Variants in ERC1 observed in about 807,000 individuals in gnomAD.
The protein encoded by ERC1 is ELKS/RAB6-interacting/CAST family member 1, also known as RAB6 interacting protein 2.
Under a neutral mutation model 132.0 loss-of-function variants are expected in ERC1, and 56 were observed. That is an observed-to-expected ratio of 0.42 (90% CI 0.34 to 0.53). The LOEUF is 0.53. Among genes scored for constraint, ERC1 ranks in the 20% least tolerant of loss-of-function variants. ERC1 has a pLI of 0.03. For missense variants in ERC1, 1,202 were observed against 1,349.9 expected (o/e 0.89, Z 1.72); for synonymous variants, 478 against 476.1 (o/e 1.00, Z -0.05).
chr12:1,128,916 T>G (rs1024413124), intron 7 of ERC1, among the ~76,000 whole-genome samples: 1 of 152,182 alleles, frequency 6.6e-6, no homozygotes, highest in African/African-American at 2.4e-5. Context: ...AACATAGATC[T>G]GATGAGCTAT....
chr12:1,146,955 A>T (rs1429346251), intron 8 of ERC1, among the ~76,000 whole-genome samples: 2 of 152,196 alleles, frequency 1.3e-5, no homozygotes, highest in Non-Finnish European at 2.9e-5. Flanking sequence ...ACACAAACTC[A>T]TCATTTTTTA....
At chr12:1,040,733 A>G (rs1251087383) in intron 2 of ERC1, among the ~76,000 whole-genome samples, 1 of 152,152 alleles carries the variant, frequency 6.6e-6, no homozygotes, top group Non-Finnish European at 1.5e-5. Context: ...AGTCTTTTCT[A>G]CGTAATAGGC....
intron 15 of ERC1, among the ~76,000 whole-genome samples, chr12:1,304,859 G>T (rs149560719): frequency 1.5e-5 from 2 of 131,274 alleles, no homozygotes; most frequent in African/African-American, 2.9e-5. Context: ...GCGTGATCTC[G>T]GCTCACTGCA....
chr12:1,172,910 C>T (rs757306308), intron 8 of ERC1, among the ~76,000 whole-genome samples: 3 of 152,186 alleles, frequency 2.0e-5, no homozygotes, highest in African/African-American at 7.2e-5. Flanking sequence ...TGAATAACGT[C>T]GTGGTCCTGA....
intron 2 of ERC1, among the ~76,000 whole-genome samples, chr12:1,075,452 G>A (rs1330354029): frequency 6.6e-6 from 1 of 152,160 alleles, no homozygotes; most frequent in African/African-American, 2.4e-5. Flanking sequence ...CAGCTCTTTG[G>A]GAGGCCGAGG....
chr12:1,265,994 A>G (rs1030827051), intron 14 of ERC1, among the ~76,000 whole-genome samples: 1 of 152,116 alleles, frequency 6.6e-6, no homozygotes, highest in African/African-American at 2.4e-5. Flanking sequence ...GCACTTAGGA[A>G]CAAAGCTGCT....
intron 1 of ERC1, among the ~76,000 whole-genome samples, chr12:1,025,284 T>G (rs1310675169): frequency 6.6e-6 from 1 of 152,218 alleles, no homozygotes; most frequent in Non-Finnish European, 1.5e-5. Context: ...ATTTTTCCCC[T>G]TTATAACACA....
At chr12:1,333,327 C>T (rs1268907301) in intron 15 of ERC1, among the ~76,000 whole-genome samples, 1 of 143,532 alleles carries the variant, frequency 7.0e-6, no homozygotes, top group African/African-American at 2.6e-5. Context: ...GTATATGTAC[C>T]GCATTTTTTT....
At chr12:1,106,452 ATAAT>A (rs891332211) in intron 4 of ERC1, among the ~76,000 whole-genome samples, 4 of 152,158 alleles carry the variant, frequency 2.6e-5, no homozygotes, top group African/African-American at 9.7e-5. Flanking sequence ...TGGTATATAA[ATAAT>A]TTTATGTAAA....
At chr12:1,004,379 A>G (rs116220829) in intron 1 of ERC1, among the ~76,000 whole-genome samples, 1 of 145,214 alleles carries the variant, frequency 6.9e-6, no homozygotes, top group African/African-American at 2.5e-5. Flanking sequence ...TGGTTAATAA[A>G]TTTCTTTCTT....
At chr12:1,459,806 G>C (rs901733209) in intron 18 of ERC1, among the ~76,000 whole-genome samples, 1 of 152,208 alleles carries the variant, frequency 6.6e-6, no homozygotes, top group Admixed American at 6.5e-5. Context: ...AGCATCTCCA[G>C]TAGTGGGACA....
chr12:1,199,179 C>T (rs1404485558), intron 12 of ERC1, among the ~76,000 whole-genome samples: 1 of 147,696 alleles, frequency 6.8e-6, no homozygotes, highest in African/African-American at 2.5e-5. Context: ...CACCAGGCCC[C>T]ACCTCCAACA....
chr12:1,335,371 T>C (rs970062390), intron 15 of ERC1, among the ~76,000 whole-genome samples: 1 of 152,246 alleles, frequency 6.6e-6, no homozygotes, highest in Non-Finnish European at 1.5e-5. Context: ...GGATTTGTCA[T>C]AGGTGGCTCT....
At chr12:1,309,128 T>C (rs1350640612) in intron 15 of ERC1, among the ~76,000 whole-genome samples, 1 of 152,240 alleles carries the variant, frequency 6.6e-6, no homozygotes, top group Non-Finnish European at 1.5e-5. Flanking sequence ...TTTTTTGTTG[T>C]TTATAAGCTA....
chr12:1,193,571 G>T (rs1365243107), intron 12 of ERC1, among the ~76,000 whole-genome samples: 1 of 151,974 alleles, frequency 6.6e-6, no homozygotes, highest in Non-Finnish European at 1.5e-5. Context: ...TATATTAAGA[G>T]ATTTATTACA....
intron 8 of ERC1, among the ~76,000 whole-genome samples, chr12:1,171,059 C>T (rs1017838388): frequency 2.6e-5 from 4 of 152,086 alleles, no homozygotes; most frequent in East Asian, 3.8e-4. Flanking sequence ...CTCAATGCCA[C>T]GTAACTAGTC....
intron 17 of ERC1, among the ~76,000 whole-genome samples, chr12:1,436,505 A>G (rs1187596692): frequency 1.3e-5 from 2 of 152,098 alleles, no homozygotes; most frequent in Non-Finnish European, 2.9e-5. Flanking sequence ...TCCACTCCCA[A>G]TGCCATAGGT....
chr12:1,323,624 C>T (rs1395951731), intron 15 of ERC1, among the ~76,000 whole-genome samples: 1 of 152,122 alleles, frequency 6.6e-6, no homozygotes, highest in Admixed American at 6.6e-5. Context: ...CATATTACAC[C>T]TAGAGTTCGT....
At chr12:1,372,010 G>A in intron 16 of ERC1, 33 bp downstream of exon 16, 1 of 1,608,458 alleles carries the variant, frequency 6.2e-7, no homozygotes, top group Non-Finnish European at 8.5e-7. Flanking sequence ...GGGTCAGTGG[G>A]GCCAGCTTTC....
Sources: allele counts gnomAD v4.1 joint callset (sites outside exome capture counted in the v4.1 genomes callset), GRCh38; gene constraint gnomAD v4.1.1; transcripts MANE v1.5; gene names NCBI Gene and HGNC (gene_info 2026-07-23, HGNC 2026-07-21).